PRELID2: variants seen among roughly 807,000 people sequenced by gnomAD.
PRELID2 encodes the protein PRELI domain containing 2.
In PRELID2, 25 loss-of-function variants were observed where a neutral mutation model predicts 28.4. That is an observed-to-expected ratio of 0.88 (90% CI 0.64 to 1.23). PRELID2 has a LOEUF of 1.23. PRELID2 is among the 50% of genes most tolerant of loss of function. The pLI is 0.00. For missense variants in PRELID2, 201 were observed against 214.4 expected, an observed-to-expected ratio of 0.94 and a Z score of 0.39; for synonymous variants, 76 against 71.6, an observed-to-expected ratio of 1.06 and a Z score of -0.31.
At chr5:145,538,776 G>A (rs1442992301) in intron 1 of PRELID2, among the ~76,000 whole-genome samples, 1 of 151,922 alleles carries the variant, frequency 6.6e-6, no homozygotes, top group Non-Finnish European at 1.5e-5. Context: ...AGACAGAGGA[G>A]TGCTTCAAGC....
the PRELID2 span, among the ~76,000 whole-genome samples, chr5:145,251,375 T>TGAGCCAC: frequency 1.3e-5 from 2 of 152,234 alleles, no homozygotes; most frequent in Admixed American, 6.5e-5. Flanking sequence ...AAGTGGGCCA[T>TGAGCCAC]GAGCCCAAGT....
the PRELID2 span, among the ~76,000 whole-genome samples, chr5:145,258,139 C>T: frequency 1.3e-5 from 2 of 152,144 alleles, no homozygotes; most frequent in Admixed American, 6.6e-5. Context: ...GCCTGCAGAA[C>T]CATGAGCCAA....
the PRELID2 span, among the ~76,000 whole-genome samples, chr5:145,333,962 T>C: frequency 1.3e-5 from 2 of 151,860 alleles, no homozygotes; most frequent in African/African-American, 4.8e-5. Flanking sequence ...CGTGGGAAAA[T>C]TGTAGTATCC....
the PRELID2 span, among the ~76,000 whole-genome samples, chr5:145,323,944 T>A: frequency 2.0e-5 from 3 of 152,258 alleles, no homozygotes; most frequent in Non-Finnish European, 4.4e-5. Context: ...TGTGTCTTTA[T>A]GGTATAATGA....
chr5:145,700,198 C>T (rs912815607), intron 1 of PRELID2, among the ~76,000 whole-genome samples: 2 of 117,724 alleles, frequency 1.7e-5, no homozygotes, highest in African/African-American at 8.6e-5. Context: ...ACAGCATCCC[C>T]CCCAACTTTC....
At chr5:145,394,599 AAAAT>A in the PRELID2 span, among the ~76,000 whole-genome samples, 2 of 152,222 alleles carry the variant, frequency 1.3e-5, no homozygotes, top group Admixed American at 6.5e-5. Context: ...AAAATAAAGT[AAAAT>A]AAATATATGT....
the PRELID2 span, among the ~76,000 whole-genome samples, chr5:145,297,909 C>A: frequency 6.6e-6 from 1 of 152,078 alleles, no homozygotes; most frequent in South Asian, 2.1e-4. Context: ...ATCCAACTTA[C>A]AAGGGATGTG....
chr5:145,319,915 T>C, the PRELID2 span, among the ~76,000 whole-genome samples: 212 of 152,240 alleles, frequency 1.4e-3, 1 homozygote, highest in African/African-American at 5.0e-3. Context: ...GTGTGTGAAA[T>C]ATATACCACT....
chr5:145,666,585 T>C (rs1376183017), intron 1 of PRELID2, among the ~76,000 whole-genome samples: 1 of 152,078 alleles, frequency 6.6e-6, no homozygotes, highest in Non-Finnish European at 1.5e-5. Context: ...TCACTCATAG[T>C]ACCCTGTGGC....
intron 1 of PRELID2, among the ~76,000 whole-genome samples, chr5:145,543,541 T>C (rs1314309008): frequency 1.3e-5 from 2 of 152,114 alleles, no homozygotes; most frequent in Admixed American, 6.6e-5. Flanking sequence ...ATTGTCTTAT[T>C]CAAATTTAAG....
chr5:145,742,360 A>C (rs1756855160), intron 1 of PRELID2, among the ~76,000 whole-genome samples: 2 of 144,142 alleles, frequency 1.4e-5, no homozygotes. Flanking sequence ...CTACGCCAGA[A>C]AACAAAGCTC....
the PRELID2 span, among the ~76,000 whole-genome samples, chr5:145,418,701 A>T: frequency 6.6e-6 from 1 of 151,612 alleles, no homozygotes; most frequent in Non-Finnish European, 1.5e-5. Flanking sequence ...CAGAAAACTG[A>T]AACTGAACCC....
chr5:145,252,616 C>T, the PRELID2 span, among the ~76,000 whole-genome samples: 1 of 152,064 alleles, frequency 6.6e-6, no homozygotes, highest in African/African-American at 2.4e-5. Context: ...AATGTGCTAG[C>T]CTTTCTCCAT....
intron 1 of PRELID2, among the ~76,000 whole-genome samples, chr5:145,504,349 G>A (rs1038784306): frequency 6.6e-6 from 1 of 152,136 alleles, no homozygotes; most frequent in African/African-American, 2.4e-5. Flanking sequence ...TAGAGTAACT[G>A]GCCCATAGTA....
At chr5:145,805,735 T>C (rs1753453906) in intron 4 of PRELID2, among the ~76,000 whole-genome samples, 1 of 152,090 alleles carries the variant, frequency 6.6e-6, no homozygotes, top group South Asian at 2.1e-4. Flanking sequence ...CATCATAGAG[T>C]GTACTTGCAT....
intron 1 of PRELID2, among the ~76,000 whole-genome samples, chr5:145,673,620 T>C (rs1581045567): frequency 6.6e-6 from 1 of 151,714 alleles, no homozygotes; most frequent in Admixed American, 6.6e-5. Flanking sequence ...TCAATAAATA[T>C]AAATGGGCAT....
intron 1 of PRELID2, among the ~76,000 whole-genome samples, chr5:145,710,716 C>T (rs932919842): frequency 3.3e-5 from 5 of 152,184 alleles, no homozygotes; most frequent in African/African-American, 1.2e-4. Flanking sequence ...CTGCCTGGTC[C>T]AAAATGTCGC....
intron 1 of PRELID2, among the ~76,000 whole-genome samples, chr5:145,746,416 G>A (rs1756992925): frequency 6.6e-6 from 1 of 152,000 alleles, no homozygotes; most frequent in Admixed American, 6.6e-5. Flanking sequence ...AACCAACAAA[G>A]ATCAAAAGAG....
At chr5:145,381,325 G>A in the PRELID2 span, among the ~76,000 whole-genome samples, 1 of 152,158 alleles carries the variant, frequency 6.6e-6, no homozygotes, top group East Asian at 1.9e-4. Flanking sequence ...TGAAAATGAG[G>A]AGGGAAATCC....
Sources: gnomAD v4.1 joint callset for allele counts (sites outside exome capture counted in the v4.1 genomes callset) on GRCh38, gnomAD v4.1.1 for gene constraint, MANE v1.5 for transcripts, NCBI Gene and HGNC (gene_info 2026-07-23, HGNC 2026-07-21) for gene names.